Variants in ZNF592 observed in about 807,000 individuals in gnomAD.
ZNF592 encodes the protein spinocerebellar ataxia, autosomal recessive 5.
ZNF592 carries 11 observed loss-of-function variants against 80.3 expected under a neutral mutation model. That is an observed-to-expected ratio of 0.14 (90% CI 0.09 to 0.23). The LOEUF (loss-of-function observed/expected upper bound fraction) is 0.23, where lower values mean the gene tolerates loss of function less well. Among genes scored for constraint, ZNF592 ranks in the 10% least tolerant of loss-of-function variants. ZNF592 has a pLI of 1.00. For synonymous variants in ZNF592, 646 were observed against 640.3 expected (o/e 1.01, Z -0.13); for missense variants, 1,420 against 1,633.9 (o/e 0.87, Z 2.26).
intron 3 of ZNF592, among the ~76,000 whole-genome samples, 158 bp from the exon 4 acceptor site, chr15:84,782,499 C>T (rs1160892394): frequency 6.6e-6 from 1 of 152,104 alleles, no homozygotes; most frequent in Non-Finnish European, 1.5e-5. Context: ...TTTTAGAAAC[C>T]TGTTGGGGTA....
At chr15:84,795,167 TTAA>T (rs1374245784) in intron 5 of ZNF592, among the ~76,000 whole-genome samples, 5 of 151,670 alleles carry the variant, frequency 3.3e-5, no homozygotes, top group East Asian at 3.8e-4. Flanking sequence ...CTGTTCTTTA[TTAA>T]TAATTTGGAG....
chr15:84,784,747 G>T lies in ZNF592; in HGVS notation c.2072G>T (p.Ser691Ile). 5 of 1,614,166 alleles carry T rather than the reference G, an allele frequency of 3.1e-6. No homozygotes were observed. The highest frequency in any genetic ancestry group is 4.2e-6 in the Non-Finnish European group (5 of 1,180,040). ...PKHGLTSGSASPPPPALPLYP... is the reference protein window; with the variant it reads ...PKHGLTSGSAIPPPPALPLYP... ...CATGGCCTCACTTCGGGCAGTGCCAGTCCCCCTCCTCCAGCCTTGCCACTC... is the reference window on the plus strand; with the variant it reads ...CATGGCCTCACTTCGGGCAGTGCCATTCCCCCTCCTCCAGCCTTGCCACTC... Residue 691 changes from serine to isoleucine, a missense_variant, in exon 4 of 11, where the codon AGT becomes ATT. Physicochemically the swap from Ser to Ile is moderately radical, Grantham distance 142. This residue lies in a region of ZNF592 where 524 missense variants were observed against 628.3 expected (regional missense o/e 0.83). Transcript: ENST00000560079. This position sits in a 1 kb window ranked among gnomAD's most constrained non-coding sequence, Gnocchi z 5.8.
In ZNF592 at chr15:84,784,089, G is replaced by A. The variant is rs759797510; in HGVS notation, c.1414G>A (p.Gly472Arg). The A allele has an allele frequency of 6.8e-6, 11 of 1,613,962 alleles. No individual in the cohort carries two copies. The highest frequency in any genetic ancestry group is 8.5e-6 in the Non-Finnish European group (10 of 1,179,982). The change falls in exon 4 of 11, where the codon GGG becomes AGG. Residue 472 changes from glycine (G) to arginine (R), a missense_variant. Coordinates refer to ENST00000560079, the MANE Select transcript of ZNF592 (RefSeq NM_014630.3). The surrounding 1 kb of genome is among the most constrained non-coding windows in gnomAD (Gnocchi z 5.8). Reference protein sequence around the residue: ...SCSSGPRVPKGAAPGSQTGKK... With the variant: ...SCSSGPRVPKRAAPGSQTGKK... Reference sequence around the variant, plus strand: ...CAGTTCTGGGCCCCGGGTCCCAAAGGGGGCTGCCCCAGGCTCACAGACAGG... The same window carrying A: ...CAGTTCTGGGCCCCGGGTCCCAAAGAGGGCTGCCCCAGGCTCACAGACAGG...
intron 5 of ZNF592, among the ~76,000 whole-genome samples, chr15:84,795,056 G>A (rs1228334782): frequency 6.6e-6 from 1 of 150,394 alleles, no homozygotes; most frequent in Non-Finnish European, 1.5e-5. Flanking sequence ...AATGTAAAAA[G>A]CCTATATATG....
chr15:84,795,960 G>A (rs1043342665), intron 5 of ZNF592, among the ~76,000 whole-genome samples: 7 of 151,774 alleles, frequency 4.6e-5, no homozygotes, highest in East Asian at 1.9e-4. Context: ...AATGTATCAC[G>A]CCTGTAATCC....
chr15:84,800,129 G>C lies in ZNF592; in HGVS notation c.3273+152G>C, dbSNP rs1963049112. 3 of 1,193,596 alleles carry C rather than the reference G, an allele frequency of 2.5e-6. No individual in the cohort carries two copies. The East Asian group carries it at 7.2e-5, about 29-fold the overall frequency. 73.9% of individuals were successfully genotyped at this position (1,193,596 alleles called of 1,614,324 possible). A position where few individuals can be genotyped will look rare whatever the true frequency, so the allele number is the denominator to read the frequency against. On this transcript the variant is annotated intron_variant, in intron 10 of 10. Transcript: ENST00000560079. ...CTCTCTAGTCCTGTGTGACCCGCCT[G>C]GCACTGGACACAAGTAGGGGATAAG...
intron 1 of ZNF592, among the ~76,000 whole-genome samples, chr15:84,752,523 G>A (rs183579940): frequency 1.3e-4 from 20 of 152,352 alleles, no homozygotes; most frequent in African/African-American, 4.8e-4. Context: ...ATTCTAGGTA[G>A]ATAGAATCAT....
chr15:84,805,942 A>G lies in ZNF592; in HGVS notation c.*3549A>G, dbSNP rs1392873530. 2 of 152,612 alleles carry G rather than the reference A, an allele frequency of 1.3e-5. No homozygotes were observed. The highest frequency in any genetic ancestry group is 4.8e-5 in the African/African-American group (2 of 41,452). The allele number at this position is 152,612 out of a possible 1,614,324, so 9.5% of individuals were successfully genotyped here. ...AGTTTATAAATATGTATATTTATATATCTATTTTTAATACAAATAGTAGAA... is the reference window on the plus strand; with the variant it reads ...AGTTTATAAATATGTATATTTATATGTCTATTTTTAATACAAATAGTAGAA... On this transcript the variant is annotated 3_prime_UTR_variant, in exon 11 of 11. Transcript: ENST00000560079.
At chr15:84,768,092 C>A (rs1042837351) in intron 2 of ZNF592, among the ~76,000 whole-genome samples, 2 of 149,988 alleles carry the variant, frequency 1.3e-5, no homozygotes, top group African/African-American at 4.9e-5. Context: ...GGGGTTTTGC[C>A]ATGTTGCCCA....
At chr15:84,772,057 A>G (rs1962096778) in intron 2 of ZNF592, among the ~76,000 whole-genome samples, 1 of 152,222 alleles carries the variant, frequency 6.6e-6, no homozygotes, top group African/African-American at 2.4e-5. Context: ...ACAAGTAACT[A>G]TTGATACCAT....
chr15:84,773,491 G>A lies in ZNF592; in HGVS notation c.-149-4692G>A, dbSNP rs192639927. ...CTCCCAAAGTGCTGGGATTACAGGC[G>A]TGAGCCATCGCGCCCGGCCCCCACC... On this transcript the variant is annotated intron_variant, in intron 2 of 10. Transcript: ENST00000560079. Among the ~76,000 whole-genome samples the A allele has an allele frequency of 3.0e-4, 45 of 152,108 alleles. No homozygotes were observed. In the East Asian group the frequency reaches 5.6e-3, roughly 19 times the overall value.
At chr15:84,748,696 G>C (rs2141953108) in intron 1 of ZNF592, 32 bp downstream of exon 1, 1 of 147,794 alleles carries the variant, frequency 6.8e-6, no homozygotes, top group South Asian at 1.8e-4. Flanking sequence ...GGCCGAGCGG[G>C]GCCTGCGGGC....
At chr15:84,792,347 A>G (rs1184660719) in intron 5 of ZNF592, among the ~76,000 whole-genome samples, 1 of 152,192 alleles carries the variant, frequency 6.6e-6, no homozygotes. Flanking sequence ...GATTTGCAGC[A>G]GGGCAGTAAT....
intron 1 of ZNF592, among the ~76,000 whole-genome samples, chr15:84,752,915 T>G (rs1048753139): frequency 3.3e-5 from 5 of 152,136 alleles, no homozygotes; most frequent in African/African-American, 1.2e-4. Context: ...GAAATGAAAC[T>G]GCAGAGTGAC....
At position 84,755,668 on chromosome 15, in the gene ZNF592, A is replaced by T. The variant is rs569858744; in HGVS notation, c.-259+7004A>T. ...TCATTTGAATTTTATACAGACACAT[A>T]TATCATCTTTACAAAAACAAACAAG... On this transcript the variant is annotated intron_variant, in intron 1 of 10. Transcript: ENST00000560079. 6.6e-4 allele frequency among the ~76,000 whole-genome samples: 101 copies of T among 152,296 alleles called. 1 individual carries two copies. In the South Asian group the frequency reaches 0.011, roughly 16 times the overall value.
chr15:84,759,706 T>C (rs990619120), intron 1 of ZNF592, among the ~76,000 whole-genome samples: 2 of 152,224 alleles, frequency 1.3e-5, no homozygotes, highest in East Asian at 3.9e-4. Context: ...AGGCAGGCAC[T>C]TGGGGGCAAG....
chr15:84,786,707 G>A (rs1166678273), intron 4 of ZNF592, among the ~76,000 whole-genome samples: 1 of 152,088 alleles, frequency 6.6e-6, no homozygotes, highest in Non-Finnish European at 1.5e-5. Flanking sequence ...TGGGGCTTCA[G>A]TGTTCTTGCT....
chr15:84,794,728 C>T (rs1962846712), intron 5 of ZNF592, among the ~76,000 whole-genome samples: 1 of 152,194 alleles, frequency 6.6e-6, no homozygotes, highest in African/African-American at 2.4e-5. Context: ...CCACCGACCT[C>T]AGCCTCCCAA....
At chr15:84,777,069 A>G (rs766761510) in intron 2 of ZNF592, among the ~76,000 whole-genome samples, 3 of 151,992 alleles carry the variant, frequency 2.0e-5, no homozygotes, top group Admixed American at 6.5e-5. Context: ...AGAATGTTAT[A>G]TTATTTTTAG....
Sources: gnomAD v4.1 joint callset for allele counts (sites outside exome capture counted in the v4.1 genomes callset) on GRCh38, gnomAD v4.1.1 for gene constraint, gnomAD v4.1.1 regional missense constraint, Gnocchi (gnomAD v3.1) non-coding constraint, MANE v1.5 for transcripts, NCBI Gene and HGNC (gene_info 2026-07-23, HGNC 2026-07-21) for gene names.